The following CDK12 variants were observed in gnomAD, a reference collection of about 807,000 sequenced individuals.
CDK12 encodes cyclin-dependent kinase 12.
Under a neutral mutation model 133.8 loss-of-function variants are expected in CDK12, and 17 were observed. The ratio of observed to expected loss-of-function variants is 0.13; its 90% CI spans 0.09 to 0.19. The LOEUF is 0.19. Ranked by LOEUF, CDK12 falls within the 10% of genes least tolerant of loss-of-function variation. The pLI, the probability that CDK12 is intolerant of heterozygous loss-of-function variation, is 1.00. For missense variants in CDK12, 1,508 were observed against 1,818.7 expected (o/e 0.83, Z 3.11); for synonymous variants, 694 against 683.6 (o/e 1.02, Z -0.24).
intron 7 of CDK12, 66 bp from the exon 8 acceptor site, chr17:39,511,463 G>A (rs1039498918): frequency 7.9e-6 from 8 of 1,009,416 alleles, no homozygotes; most frequent in East Asian, 4.8e-5. Flanking sequence ...TTTGCATTTA[G>A]TTATGTGAAT....
chr17:39,504,746 G>T (rs897041563), intron 6 of CDK12, among the ~76,000 whole-genome samples: 5 of 151,720 alleles, frequency 3.3e-5, no homozygotes, highest in African/African-American at 1.2e-4. Flanking sequence ...GAGCTTGGTG[G>T]TGCACGCATC....
intron 2 of CDK12, among the ~76,000 whole-genome samples, chr17:39,552,102 T>A (rs1412068860): frequency 6.6e-6 from 1 of 151,704 alleles, no homozygotes; most frequent in African/African-American, 2.4e-5. Flanking sequence ...CCCCCCAGCC[T>A]CACCCAGCCC....
chr17:39,462,473 A>G lies in CDK12; in HGVS notation c.402A>G (p.Gln134=). The change falls in exon 1 of 14, where the codon CAA becomes CAG. Residue 134 remains glutamine (Q), a synonymous_variant. Coordinates refer to ENST00000447079, the MANE Select transcript of CDK12 (RefSeq NM_016507.4). ...KAKQTEKEKS[Q]EVSSKSGSMK... is the part of the protein sequence containing the mutation. ...AACAGACCGAAAAAGAAAAAAGCCAAGAAGTCTCCAGCAAGTCGGGATCGA... is the reference window on the plus strand; with the variant it reads ...AACAGACCGAAAAAGAAAAAAGCCAGGAAGTCTCCAGCAAGTCGGGATCGA... 2.5e-6 allele frequency: 4 copies of G among 1,614,160 alleles called. No homozygotes were observed. The highest frequency in any genetic ancestry group is 1.7e-6 in the Non-Finnish European group (2 of 1,180,048).
downstream of CDK12, among the ~76,000 whole-genome samples, chr17:39,539,007 G>C (rs111484238): frequency 1.3e-5 from 2 of 152,064 alleles, no homozygotes; most frequent in Non-Finnish European, 2.9e-5. Context: ...GGTAGACCAC[G>C]TTTTTCTCTC....
At chr17:39,528,828 C>T (rs756348460) in intron 13 of CDK12, among the ~76,000 whole-genome samples, 10 of 152,168 alleles carry the variant, frequency 6.6e-5, no homozygotes, top group African/African-American at 9.7e-5. Flanking sequence ...TATTTGACCT[C>T]GGTATTAAAA....
chr17:39,524,612 T>A, intron 11 of CDK12, 62 bp from the exon 12 acceptor site: 1 of 1,364,324 alleles, frequency 7.3e-7, no homozygotes, highest in South Asian at 1.2e-5. Context: ...AATCCTTTGC[T>A]CCTCCATTCA....
At chr17:39,468,791 T>TTTAATTAATTAA (rs982752976) in intron 1 of CDK12, among the ~76,000 whole-genome samples, 1 of 151,332 alleles carries the variant, frequency 6.6e-6, no homozygotes, top group Non-Finnish European at 1.5e-5. Flanking sequence ...ATGTTTTTAT[T>TTTAATTAATTAA]TTAATTAATT....
chr17:39,470,046 TG>T (rs1382499827), intron 1 of CDK12, among the ~76,000 whole-genome samples: 1 of 152,204 alleles, frequency 6.6e-6, no homozygotes, highest in African/African-American at 2.4e-5. Flanking sequence ...AAAAAAATAG[TG>T]ACCCATCTTT....
intron 3 of CDK12, among the ~76,000 whole-genome samples, chr17:39,557,333 G>GT (rs1326881918): frequency 6.6e-6 from 1 of 152,156 alleles, no homozygotes; most frequent in Non-Finnish European, 1.5e-5. Flanking sequence ...TTTTGATCTG[G>GT]TTATGCTGCT....
In CDK12 at chr17:39,502,301, C is replaced by T. The variant is rs549219241; in HGVS notation, c.2609+862C>T. Among the ~76,000 whole-genome samples, 9 of 152,176 alleles carry T rather than the reference C, an allele frequency of 5.9e-5. No homozygotes were observed. In the East Asian group the frequency reaches 9.6e-4, roughly 16 times the overall value. ...CCGAATAGCTGGGACTACAGGCGCCCGCCACCACGCCCAGCTAATTTTTTT... is the reference window on the plus strand; with the variant it reads ...CCGAATAGCTGGGACTACAGGCGCCTGCCACCACGCCCAGCTAATTTTTTT... On this transcript the variant is annotated intron_variant, in intron 6 of 13. Transcript: ENST00000447079.
intron 2 of CDK12, among the ~76,000 whole-genome samples, chr17:39,478,816 T>A (rs1220146608): frequency 6.6e-6 from 1 of 152,066 alleles, no homozygotes; most frequent in Non-Finnish European, 1.5e-5. Context: ...CAGTGAGATG[T>A]TGTATCAAAG....
downstream of CDK12, among the ~76,000 whole-genome samples, chr17:39,537,070 A>G (rs2055164589): frequency 6.6e-6 from 1 of 152,132 alleles, no homozygotes; most frequent in Non-Finnish European, 1.5e-5. Flanking sequence ...GCATGAAGAA[A>G]CCTTTAAGAA....
intron 2 of CDK12, among the ~76,000 whole-genome samples, chr17:39,486,028 C>T (rs2051099240): frequency 6.6e-6 from 1 of 151,108 alleles, no homozygotes; most frequent in East Asian, 1.9e-4. Context: ...TCTTGGCTCA[C>T]TGCAACCTCT....
intron 11 of CDK12, among the ~76,000 whole-genome samples, chr17:39,521,026 G>T (rs1479677354): frequency 6.6e-6 from 1 of 151,860 alleles, no homozygotes; most frequent in Non-Finnish European, 1.5e-5. Context: ...TGTGTTTTTA[G>T]TAGAGACAGA....
chr17:39,560,646 G>A (rs942325362), intron 3 of CDK12, among the ~76,000 whole-genome samples: 3 of 152,230 alleles, frequency 2.0e-5, no homozygotes, highest in African/African-American at 7.2e-5. Context: ...GCAGAGAGAT[G>A]TTGGGGGCAG....
chr17:39,499,207 CCTTTTTTTTTTTTTTTTGAGA>C (rs1312971651), intron 5 of CDK12, among the ~76,000 whole-genome samples: 2 of 15,396 alleles, frequency 1.3e-4, no homozygotes, highest in Non-Finnish European at 2.1e-4. Context: ...TTCTTTCTTT[CCTTTTTTTTTTTTTTTTGAGA>C]CAGAGTCTTG....
Position 39,530,922 on chromosome 17 carries a change from C to T in CDK12, c.4079C>T (p.Pro1360Leu), listed in dbSNP as rs2146838224. Residue 1360 changes from proline (P) to leucine (L), a missense_variant, in exon 14 of 14, where the codon CCA becomes CTA. By Grantham distance (98) the Pro-to-Leu change is moderately conservative. Transcript: ENST00000447079. ...AIDTDERNSG[P>L]ALTESLVQTL... ...GACACTGATGAACGAAACTCTGGTC[C>T]AGCCTTGACAGAATCCTTGGTCCAG... The T allele has an allele frequency of 6.2e-7, 1 of 1,614,206 alleles. No homozygotes were observed. Among genetic ancestry groups the T allele is most frequent in the Non-Finnish European group, 8.5e-7 (1 of 1,180,034 alleles).
rs1052374160 is a variant in CDK12 at position 39,534,004 on chromosome 17, C to G, written c.*2688C>G. 5.6e-5 allele frequency: 13 copies of G among 232,006 alleles called. No individual in the cohort carries two copies. The Admixed American group carries it at 6.8e-4, about 12-fold the overall frequency. The allele number at this position is 232,006 out of a possible 1,614,324, so 14.4% of individuals were successfully genotyped here. A position where few individuals can be genotyped will look rare whatever the true frequency, so the allele number is the denominator to read the frequency against. ...ATTATTGTACAATGAGAGATATTGTCTATTAAATACATTATTTTGAACAGA... is the reference window on the plus strand; with the variant it reads ...ATTATTGTACAATGAGAGATATTGTGTATTAAATACATTATTTTGAACAGA... On this transcript the variant is annotated 3_prime_UTR_variant, in exon 14 of 14. Coordinates refer to ENST00000447079, the MANE Select transcript of CDK12 (RefSeq NM_016507.4).
chr17:39,490,462 C>T, intron 2 of CDK12, 95 bp from the exon 3 acceptor site: 1 of 768,290 alleles, frequency 1.3e-6, no homozygotes, highest in South Asian at 2.4e-5. Context: ...TTAGATCTTT[C>T]TAACCTTTTC....
Sources: allele counts gnomAD v4.1 joint callset (sites outside exome capture counted in the v4.1 genomes callset), GRCh38; gene constraint gnomAD v4.1.1; transcripts MANE v1.5; gene names NCBI Gene and HGNC (gene_info 2026-07-23, HGNC 2026-07-21).